The following LRRC37A2 variants were observed in gnomAD, a reference collection of about 807,000 sequenced individuals.
LRRC37A2 encodes leucine rich repeat containing 37 member A2, also known as leucine-rich repeat-containing protein 37A2.
Under a neutral mutation model 68.8 loss-of-function variants are expected in LRRC37A2, and 9 were observed. The observed-to-expected ratio is 0.13, with a 90% CI of 0.08 to 0.23. The LOEUF (loss-of-function observed/expected upper bound fraction) is 0.23, where lower values mean the gene tolerates loss of function less well. Among genes scored for constraint, LRRC37A2 ranks in the 10% least tolerant of loss-of-function variants. LRRC37A2 has a pLI of 1.00. For missense variants in LRRC37A2, 168 were observed against 950.4 expected (o/e 0.18, Z 10.82); for synonymous variants, 63 against 367.6 (o/e 0.17, Z 9.48).
At chr17:46,952,931 C>T in the LRRC37A2 span, 1 of 152,170 alleles carries the variant, frequency 6.6e-6, no homozygotes, top group Non-Finnish European at 1.5e-5. Context: ...GTTCTCTCCT[C>T]CCAAGATACC....
chr17:46,822,633 G>C, the LRRC37A2 span, among the ~76,000 whole-genome samples: 1 of 152,222 alleles, frequency 6.6e-6, no homozygotes, highest in Non-Finnish European at 1.5e-5. Flanking sequence ...GGATTTCGGA[G>C]GATCTTGGTT....
the LRRC37A2 span, chr17:46,749,942 A>G: frequency 6.2e-7 from 1 of 1,602,308 alleles, no homozygotes; most frequent in Non-Finnish European, 8.5e-7. Flanking sequence ...CACTGTTTAT[A>G]AGAAAGGAAT....
At chr17:46,721,780 G>GAAGGCATCGTGCACAGCTGTCAGAGT in the LRRC37A2 span, 1 of 1,602,178 alleles carries the variant, frequency 6.2e-7, no homozygotes, top group African/African-American at 1.3e-5. Context: ...AGTCCTCAAG[G>GAAGGCATCGTGCACAGCTGTCAGAGT]AAGGCATCGT....
chr17:46,622,600 T>A, the LRRC37A2 span, among the ~76,000 whole-genome samples: 1 of 145,820 alleles, frequency 6.9e-6, no homozygotes, highest in African/African-American at 2.6e-5. Flanking sequence ...CTGGGCAACG[T>A]GATGAAACCC....
the LRRC37A2 span, among the ~76,000 whole-genome samples, chr17:46,379,838 C>T: frequency 4.0e-5 from 2 of 50,132 alleles, no homozygotes; most frequent in Non-Finnish European, 9.9e-5. Context: ...TGAATTTTAT[C>T]AAATGTTTTT....
the LRRC37A2 span, among the ~76,000 whole-genome samples, chr17:46,835,025 CGCTCTGTTGTCCAGGCTG>C: frequency 6.6e-6 from 1 of 152,144 alleles, no homozygotes; most frequent in Admixed American, 6.5e-5. Context: ...GACAGGATCT[CGCTCTGTTGTCCAGGCTG>C]CAGCGCAGTA....
At chr17:46,952,043 G>A in the LRRC37A2 span, among the ~76,000 whole-genome samples, 2 of 152,156 alleles carry the variant, frequency 1.3e-5, no homozygotes, top group African/African-American at 4.8e-5. Context: ...AGGGAGAGGG[G>A]GAGATTCCTG....
the LRRC37A2 span, among the ~76,000 whole-genome samples, chr17:47,020,777 A>G: frequency 9.5e-5 from 11 of 115,564 alleles, no homozygotes; most frequent in Admixed American, 1.0e-4. Context: ...GCAAGACTCC[A>G]TCTCAAAAAA....
chr17:46,709,723 T>C, the LRRC37A2 span, among the ~76,000 whole-genome samples: 1 of 151,876 alleles, frequency 6.6e-6, no homozygotes, highest in African/African-American at 2.4e-5. Flanking sequence ...TGGAACTCCA[T>C]ACCTCAGGTG....
the LRRC37A2 span, among the ~76,000 whole-genome samples, chr17:46,927,960 C>G: frequency 6.6e-6 from 1 of 152,128 alleles, no homozygotes; most frequent in East Asian, 1.9e-4. Flanking sequence ...TCCTTAGAGT[C>G]CTAATTCTCC....
chr17:46,801,112 T>C, the LRRC37A2 span, among the ~76,000 whole-genome samples: 1 of 152,196 alleles, frequency 6.6e-6, no homozygotes, highest in Non-Finnish European at 1.5e-5. Context: ...TATCCCCATT[T>C]TGCAGAGAGA....
the LRRC37A2 span, among the ~76,000 whole-genome samples, chr17:46,889,843 C>T: frequency 6.6e-6 from 1 of 152,188 alleles, no homozygotes; most frequent in Non-Finnish European, 1.5e-5. Flanking sequence ...CATTCTTTAT[C>T]GATGGACCTC....
At chr17:46,749,755 T>C in the LRRC37A2 span, 1 of 1,606,982 alleles carries the variant, frequency 6.2e-7, no homozygotes, top group Admixed American at 1.7e-5. Context: ...TTTTAACACA[T>C]TTTCTCCCTA....
At chr17:46,951,375 T>C in the LRRC37A2 span, among the ~76,000 whole-genome samples, 5 of 152,072 alleles carry the variant, frequency 3.3e-5, no homozygotes, top group Admixed American at 6.5e-5. Context: ...TACCCATCAA[T>C]TTCATCCTTA....
chr17:47,000,298 G>A, the LRRC37A2 span, among the ~76,000 whole-genome samples: 1 of 148,658 alleles, frequency 6.7e-6, no homozygotes, highest in Non-Finnish European at 1.5e-5. Context: ...GCAGTGGTTC[G>A]ATCTTGGCTC....
At chr17:47,000,131 T>C in the LRRC37A2 span, among the ~76,000 whole-genome samples, 4 of 125,198 alleles carry the variant, frequency 3.2e-5, no homozygotes, top group Non-Finnish European at 6.6e-5. Flanking sequence ...TAAAATAAAA[T>C]AAAATAGTGC....
At chr17:46,853,863 G>T in the LRRC37A2 span, among the ~76,000 whole-genome samples, 1 of 152,130 alleles carries the variant, frequency 6.6e-6, no homozygotes, top group African/African-American at 2.4e-5. Context: ...AGAGGAGAGG[G>T]GTTCCAGGAG....
the LRRC37A2 span, among the ~76,000 whole-genome samples, chr17:46,730,027 T>C: frequency 6.6e-6 from 1 of 152,144 alleles, no homozygotes; most frequent in Non-Finnish European, 1.5e-5. Flanking sequence ...GAGGTGAGTG[T>C]ATTTTCCCTT....
the LRRC37A2 span, chr17:46,909,894 C>T: frequency 6.6e-6 from 1 of 152,300 alleles, no homozygotes; most frequent in East Asian, 1.9e-4. Flanking sequence ...AGAACTTCCT[C>T]CTTGGAGGCT....
Sources: allele counts gnomAD v4.1 joint callset (sites outside exome capture counted in the v4.1 genomes callset), GRCh38; gene constraint gnomAD v4.1.1; transcripts MANE v1.5; gene names NCBI Gene and HGNC (gene_info 2026-07-23, HGNC 2026-07-21).